The following ALS2 variants were observed in gnomAD, a reference collection of about 807,000 sequenced individuals.
The protein encoded by ALS2 is alsin Rho guanine nucleotide exchange factor ALS2, also known as alsin.
A neutral mutation model predicts 203.4 loss-of-function variants in ALS2; 117 were observed. That is an observed-to-expected ratio of 0.58 (90% CI 0.50 to 0.67). ALS2 has a LOEUF of 0.67. ALS2 is among the 30% of genes least tolerant of loss of function. The pLI is 0.00. For missense variants in ALS2, 1,715 were observed against 1,989.4 expected (o/e 0.86, Z 2.62); for synonymous variants, 718 against 725.9 (o/e 0.99, Z 0.17).
intron 19 of ALS2, among the ~76,000 whole-genome samples, chr2:201,726,250 T>C (rs2106005539): frequency 6.6e-6 from 1 of 152,270 alleles, no homozygotes; most frequent in South Asian, 2.1e-4. Flanking sequence ...TTTTAACAGA[T>C]GGAAGGCTGT....
chr2:201,712,482 CAT>C (rs1690089766), intron 25 of ALS2, among the ~76,000 whole-genome samples: 1 of 152,110 alleles, frequency 6.6e-6, no homozygotes, highest in Admixed American at 6.5e-5. Context: ...AAGCAACTGA[CAT>C]GTGGAAATGA....
chr2:201,729,246 G>A, intron 13 of ALS2, 63 bp from the exon 14 acceptor site: 1 of 1,558,444 alleles, frequency 6.4e-7, no homozygotes, highest in Non-Finnish European at 8.7e-7. Flanking sequence ...TGCAGAATCT[G>A]TAGCCTCAGT....
intron 7 of ALS2, among the ~76,000 whole-genome samples, chr2:201,751,906 C>T (rs1693089409): frequency 6.6e-6 from 1 of 152,086 alleles, no homozygotes; most frequent in Admixed American, 6.6e-5. Context: ...TCTTGTTTTC[C>T]CAACTGAATG....
chr2:201,744,135 A>C (rs1692472573), intron 10 of ALS2, 123 bp downstream of exon 10: 1 of 1,110,594 alleles, frequency 9.0e-7, no homozygotes, highest in Admixed American at 1.9e-5. Context: ...GTGTACACAC[A>C]CACAAAGACA....
intron 19 of ALS2, among the ~76,000 whole-genome samples, chr2:201,726,127 AT>A (rs1042180483): frequency 3.7e-4 from 56 of 152,260 alleles, no homozygotes; most frequent in African/African-American, 1.3e-3. Flanking sequence ...TGAAAGGAAA[AT>A]TTTTCTATGT....
At chr2:201,703,165 A>C (rs563780241) in intron 33 of ALS2, among the ~76,000 whole-genome samples, 35 of 152,046 alleles carry the variant, frequency 2.3e-4, no homozygotes, top group Admixed American at 1.9e-3. Context: ...TAAATAGTTA[A>C]CCTAGGCCAG....
intron 13 of ALS2, 97 bp downstream of exon 13, chr2:201,733,179 A>G (rs1691680765): frequency 7.8e-7 from 1 of 1,279,924 alleles, no homozygotes; most frequent in Non-Finnish European, 1.1e-6. Flanking sequence ...TAAATATTAA[A>G]TTACTGGAGT....
intron 12 of ALS2, among the ~76,000 whole-genome samples, chr2:201,736,684 C>T (rs2110740): frequency 0.58 from 88,191 of 151,608 alleles, 28,564 homozygotes; most frequent in Admixed American, 0.74. Flanking sequence ...GGTAAACTGC[C>T]GACAAGACTG....
chr2:201,761,340 T>C lies in ALS2; in HGVS notation c.654A>G (p.Gln218=), dbSNP rs773879169. Residue 218 remains glutamine, a synonymous_variant, in exon 4 of 34, where the codon CAA becomes CAG. Transcript: ENST00000264276. ...CGAFHSLALV[Q]CLPSQDLKPV... is the part of the protein sequence containing the mutation. ...GCTTCAGATCCTGGGAAGGGAGGCATTGTACAAGGGCTAAGCTGTGGAAAG... is the reference window on the plus strand; with the variant it reads ...GCTTCAGATCCTGGGAAGGGAGGCACTGTACAAGGGCTAAGCTGTGGAAAG... 47 of 1,613,962 alleles carry C rather than the reference T, an allele frequency of 2.9e-5. No homozygotes were observed. The highest frequency in any genetic ancestry group is 1.3e-4 in the East Asian group (6 of 44,886).
chr2:201,779,191 AGGGATTCCT>A (rs1427411254), intron 1 of ALS2, among the ~76,000 whole-genome samples: 1 of 152,204 alleles, frequency 6.6e-6, no homozygotes, highest in African/African-American at 2.4e-5. Flanking sequence ...TTTGGAGAGA[AGGGATTCCT>A]GTTTATATTG....
chr2:201,713,137 T>C (rs1455646580), intron 25 of ALS2, among the ~76,000 whole-genome samples: 5 of 131,576 alleles, frequency 3.8e-5, no homozygotes, highest in Admixed American at 7.5e-5. Flanking sequence ...TCTTTTCTTT[T>C]TTTTTTTTTT....
chr2:201,726,832 T>C lies in ALS2; in HGVS notation c.3014A>G (p.Asp1005Gly). The change falls in exon 18 of 34, where the codon GAT becomes GGT. Residue 1005 changes from aspartate to glycine, a missense_variant. Coordinates refer to ENST00000264276, the MANE Select transcript of ALS2 (RefSeq NM_020919.4). ...ATCAGACATCCCTCTCAAAGCCTGA[T>C]CTACGGCTTGGCTTATAGCTCGTAG... Reference protein sequence around the residue: ...KWLRAISQAVDQALRGMSDLP... With the variant: ...KWLRAISQAVGQALRGMSDLP... 4 of 1,614,170 alleles carry C rather than the reference T, an allele frequency of 2.5e-6. No homozygotes were observed. Among genetic ancestry groups the C allele is most frequent in the Non-Finnish European group, 3.4e-6 (4 of 1,180,020 alleles).
chr2:201,727,375 G>A lies in ALS2; in HGVS notation c.2913-97C>T, dbSNP rs371373650. ...AAAAGCAACCTCTTTATTTCAAGAG[G>A]AACAGAAATCAATTAATGTAAATGC... On this transcript the variant is annotated intron_variant, in intron 16 of 33. Transcript: ENST00000264276. 30 of 1,074,306 alleles carry A rather than the reference G, an allele frequency of 2.8e-5. No homozygotes were observed. The African/African-American group carries it at 4.3e-4, about 16-fold the overall frequency. The allele number at this position is 1,074,306 out of a possible 1,614,324, so 66.5% of individuals were successfully genotyped here.
At chr2:201,713,636 T>C (rs1690184089) in intron 25 of ALS2, among the ~76,000 whole-genome samples, 1 of 152,204 alleles carries the variant, frequency 6.6e-6, no homozygotes, top group Non-Finnish European at 1.5e-5. Flanking sequence ...GTTAGTGCAG[T>C]TTTCAACCCC....
Position 201,740,417 on chromosome 2 carries a change from AAGC to A in ALS2, c.2351+1254_2351+1256del, listed in dbSNP as rs1692197370. Among the ~76,000 whole-genome samples, 3 of 152,332 alleles carry A rather than the reference AAGC, an allele frequency of 2.0e-5. No homozygotes were observed. In the South Asian group the frequency reaches 6.2e-4, roughly 32 times the overall value. ...TGTTAAAAAAAGCCCAAAGTATCAA[AAGC>A]ATTTTTAAGCATAAGGCCTAAAGTA... On this transcript the variant is annotated intron_variant, in intron 11 of 33. Transcript: ENST00000264276.
intron 27 of ALS2, among the ~76,000 whole-genome samples, chr2:201,708,496 C>T (rs1350654812): frequency 1.3e-5 from 2 of 152,302 alleles, no homozygotes; most frequent in Admixed American, 6.5e-5. Flanking sequence ...GTACCCATCA[C>T]CTGAACAGTG....
At position 201,707,037 on chromosome 2, in the gene ALS2, A is replaced by C; in HGVS notation, c.4404-15T>G. The C allele has an allele frequency of 6.2e-7, 1 of 1,608,118 alleles. No homozygotes were observed. Among genetic ancestry groups the C allele is most frequent in the Non-Finnish European group, 8.5e-7 (1 of 1,176,624 alleles). ...TTACTACATAACTACAAAATAATGG[A>C]GTGGGAGAAAAGGAGCATTTTTCAT... On this transcript the variant is annotated splice_polypyrimidine_tract_variant and intron_variant, in intron 28 of 33. Coordinates refer to ENST00000264276, the MANE Select transcript of ALS2 (RefSeq NM_020919.4).
chr2:201,719,596 T>C (rs1000317752), intron 23 of ALS2, among the ~76,000 whole-genome samples: 8 of 78,810 alleles, frequency 1.0e-4, no homozygotes, highest in Non-Finnish European at 1.5e-4. Context: ...TCGAAAAAAA[T>C]AAAAATAAAA....
chr2:201,747,379 G>A (rs1692731697), intron 8 of ALS2, among the ~76,000 whole-genome samples: 1 of 151,854 alleles, frequency 6.6e-6, no homozygotes, highest in South Asian at 2.1e-4. Context: ...GCCATCACCT[G>A]GGAACATGTT....
Sources: gnomAD v4.1 joint callset for allele counts (sites outside exome capture counted in the v4.1 genomes callset) on GRCh38, gnomAD v4.1.1 for gene constraint, MANE v1.5 for transcripts, NCBI Gene and HGNC (gene_info 2026-07-23, HGNC 2026-07-21) for gene names.